The following ZNF385D variants were observed in gnomAD, a reference collection of about 807,000 sequenced individuals.
The protein encoded by ZNF385D is zinc finger protein 385D.
In ZNF385D, 15 loss-of-function variants were observed where a neutral mutation model predicts 35.8. The ratio of observed to expected loss-of-function variants is 0.42; its 90% CI spans 0.28 to 0.64. The LOEUF (loss-of-function observed/expected upper bound fraction) is 0.64, where lower values mean the gene tolerates loss of function less well. ZNF385D is among the 30% of genes least tolerant of loss of function. The pLI, the probability that ZNF385D is intolerant of heterozygous loss-of-function variation, is 0.23. For synonymous variants in ZNF385D, 212 were observed against 186.8 expected (o/e 1.13, Z -1.10); for missense variants, 474 against 494.6 (o/e 0.96, Z 0.39).
intron 3 of ZNF385D, among the ~76,000 whole-genome samples, chr3:21,812,159 C>T (rs2072948295): frequency 6.6e-6 from 1 of 152,086 alleles, no homozygotes; most frequent in African/African-American, 2.4e-5. Flanking sequence ...AATTTGATTT[C>T]CTCAATTAAA....
chr3:21,903,063 G>A (rs570709433), intron 3 of ZNF385D, among the ~76,000 whole-genome samples: 6 of 151,996 alleles, frequency 3.9e-5, no homozygotes, highest in Non-Finnish European at 8.8e-5. Flanking sequence ...AACAACCTTC[G>A]CAGTGCTAGC....
intron 3 of ZNF385D, among the ~76,000 whole-genome samples, chr3:21,989,133 A>T (rs1242183147): frequency 6.6e-6 from 1 of 152,010 alleles, no homozygotes; most frequent in Non-Finnish European, 1.5e-5. Flanking sequence ...TCACGCTGGG[A>T]GCTGTAGACC....
intron 3 of ZNF385D, among the ~76,000 whole-genome samples, chr3:21,853,052 CAT>C (rs1696484855): frequency 3.1e-5 from 1 of 32,328 alleles, no homozygotes. Context: ...TAAAGTTCTC[CAT>C]ACATTTCCAT....
intron 4 of ZNF385D, among the ~76,000 whole-genome samples, chr3:21,492,816 T>TAAA (rs1553601054): frequency 6.6e-6 from 1 of 151,078 alleles, no homozygotes; most frequent in African/African-American, 2.4e-5. Context: ...AATAAATAAA[T>TAAA]TTTGGCAGGA....
chr3:21,454,697 C>T lies in ZNF385D; in HGVS notation c.440-17494G>A, dbSNP rs185885083. ...CTGGCACAAGACAGGGATGCCCTCT[C>T]TCACCACTCCTATTCAACATAGTGT... On this transcript the variant is annotated intron_variant, in intron 4 of 7. Coordinates refer to ENST00000281523, the MANE Select transcript of ZNF385D (RefSeq NM_024697.3). Among the ~76,000 whole-genome samples the T allele has an allele frequency of 1.7e-3, 258 of 152,278 alleles. 9 individuals carry two copies. The East Asian group carries it at 0.045, about 27-fold the overall frequency.
chr3:22,328,472 T>TA (rs1316774031), intron 2 of ZNF385D, among the ~76,000 whole-genome samples: 7 of 151,940 alleles, frequency 4.6e-5, no homozygotes, highest in Non-Finnish European at 7.4e-5. Context: ...TATTTTAAAA[T>TA]AAAAAAAACT....
intron 4 of ZNF385D, among the ~76,000 whole-genome samples, chr3:21,480,391 C>T (rs1005996154): frequency 6.6e-6 from 1 of 152,110 alleles, no homozygotes; most frequent in African/African-American, 2.4e-5. Context: ...GTGTGAGCCA[C>T]CGTGCCCAGC....
intron 3 of ZNF385D, among the ~76,000 whole-genome samples, chr3:21,763,870 T>A (rs919180319): frequency 1.3e-5 from 2 of 152,194 alleles, no homozygotes; most frequent in African/African-American, 4.8e-5. Context: ...TTTTCATTAA[T>A]TCACTATTCT....
intron 3 of ZNF385D, among the ~76,000 whole-genome samples, chr3:21,994,211 T>C (rs1192238461): frequency 6.6e-6 from 1 of 152,108 alleles, no homozygotes; most frequent in East Asian, 1.9e-4. Context: ...AGTTGGGTCA[T>C]TAAACACATA....
At chr3:21,462,323 G>A (rs144350080) in intron 4 of ZNF385D, among the ~76,000 whole-genome samples, 55 of 152,220 alleles carry the variant, frequency 3.6e-4, no homozygotes, top group African/African-American at 1.3e-3. Context: ...TAATAAGTAT[G>A]CAGTGAGTAA....
At chr3:22,210,737 C>T (rs183460550) in intron 2 of ZNF385D, among the ~76,000 whole-genome samples, 8 of 151,828 alleles carry the variant, frequency 5.3e-5, no homozygotes, top group African/African-American at 7.2e-5. Flanking sequence ...AACCATTTCC[C>T]TCTACACCAT....
At chr3:22,270,568 C>T (rs752762657) in intron 2 of ZNF385D, among the ~76,000 whole-genome samples, 12 of 151,884 alleles carry the variant, frequency 7.9e-5, no homozygotes, top group Non-Finnish European at 1.5e-4. Flanking sequence ...ATGACAGTGT[C>T]ATATACTTTC....
chr3:22,069,203 A>G (rs1017611025), intron 3 of ZNF385D, among the ~76,000 whole-genome samples: 4 of 152,240 alleles, frequency 2.6e-5, no homozygotes, highest in Admixed American at 2.6e-4. Flanking sequence ...TCCCAGCTCC[A>G]ACAGGGTCTG....
intron 3 of ZNF385D, among the ~76,000 whole-genome samples, chr3:21,794,958 T>G (rs1204790650): frequency 1.3e-5 from 2 of 152,182 alleles, no homozygotes; most frequent in Non-Finnish European, 2.9e-5. Context: ...AAATCATAGG[T>G]GCCTATCTAC....
intron 2 of ZNF385D, among the ~76,000 whole-genome samples, chr3:22,287,553 G>A (rs1033837932): frequency 6.6e-6 from 1 of 151,448 alleles, no homozygotes; most frequent in Non-Finnish European, 1.5e-5. Context: ...TGGTTATGCT[G>A]AGGCTTACAA....
At chr3:22,138,292 T>G (rs1438449903) in intron 3 of ZNF385D, among the ~76,000 whole-genome samples, 1 of 152,196 alleles carries the variant, frequency 6.6e-6, no homozygotes, top group African/African-American at 2.4e-5. Context: ...CCAATGACTT[T>G]CTTCACAGAA....
intron 2 of ZNF385D, among the ~76,000 whole-genome samples, chr3:21,606,752 C>A (rs996543213): frequency 2.6e-5 from 4 of 152,164 alleles, no homozygotes; most frequent in African/African-American, 9.7e-5. Context: ...CAGACCTTTC[C>A]ACCCCATTGT....
At chr3:21,807,167 ATTAAGT>A (rs1346647949) in intron 3 of ZNF385D, among the ~76,000 whole-genome samples, 1 of 152,234 alleles carries the variant, frequency 6.6e-6, no homozygotes, top group Non-Finnish European at 1.5e-5. Flanking sequence ...AATAGCTAAA[ATTAAGT>A]TTAATAGTAT....
At chr3:21,838,181 G>A (rs1440094013) in intron 3 of ZNF385D, among the ~76,000 whole-genome samples, 1 of 152,076 alleles carries the variant, frequency 6.6e-6, no homozygotes, top group African/African-American at 2.4e-5. Flanking sequence ...ATTGGTTTGT[G>A]TTGGCTCTCA....
Sources: gnomAD v4.1 joint callset for allele counts (sites outside exome capture counted in the v4.1 genomes callset) on GRCh38, gnomAD v4.1.1 for gene constraint, MANE v1.5 for transcripts, NCBI Gene and HGNC (gene_info 2026-07-23, HGNC 2026-07-21) for gene names.